Variants in ZNF14 observed in about 807,000 individuals in gnomAD.
ZNF14 encodes gonadotropin inducible transcription repressor-4.
In ZNF14, 9 loss-of-function variants were observed where a neutral mutation model predicts 11.3. The ratio of observed to expected loss-of-function variants is 0.80; its 90% CI spans 0.48 to 1.39. The LOEUF is 1.39. ZNF14 is among the 40% of genes most tolerant of loss of function. The pLI is 0.00. For missense variants in ZNF14, 711 were observed against 763.9 expected, an observed-to-expected ratio of 0.93 and a Z score of 0.82; for synonymous variants, 239 against 245.7, an observed-to-expected ratio of 0.97 and a Z score of 0.25.
chr19:19,726,880 C>T lies in ZNF14; in HGVS notation c.3+6076G>A, dbSNP rs1012468585. 5.3e-5 allele frequency among the ~76,000 whole-genome samples: 7 copies of T among 133,310 alleles called. 1 individual carries two copies. The highest frequency in any genetic ancestry group is 1.9e-4 in the African/African-American group (7 of 36,228). The allele number at this position is 133,310 out of a possible 152,430, so 87.5% of individuals were successfully genotyped here. A position where few individuals can be genotyped will look rare whatever the true frequency, so the allele number is the denominator to read the frequency against. Reference sequence around the variant, plus strand: ...GAGGCTCCGTGGGTGTGGGACCCTCCGAGCCAGGCATGGGATATAATCTCC... The same window carrying T: ...GAGGCTCCGTGGGTGTGGGACCCTCTGAGCCAGGCATGGGATATAATCTCC... On this transcript the variant is annotated intron_variant, in intron 1 of 3. Transcript: ENST00000344099.
intron 1 of ZNF14, among the ~76,000 whole-genome samples, chr19:19,723,852 T>A (rs2062399868): frequency 7.4e-6 from 1 of 134,296 alleles, no homozygotes; most frequent in Non-Finnish European, 1.7e-5. Context: ...CTTCTAGATT[T>A]TCTAGTTTAT....
rs148178021 is a variant in ZNF14, at chr19:19,711,557, C to T, written c.1724G>A (p.Arg575Gln). The T allele has an allele frequency of 1.4e-5, 22 of 1,613,194 alleles. No homozygotes were observed. Among genetic ancestry groups the T allele is most frequent in the South Asian group, 3.3e-5 (3 of 90,956 alleles). The change falls in exon 4 of 4, where the codon CGA (arginine) becomes CAA (glutamine). Residue 575 changes from arginine (R) to glutamine (Q), a missense_variant. Physicochemically the swap from Arg to Gln is conservative, Grantham distance 43 (BLOSUM62 1). Coordinates refer to ENST00000344099, the MANE Select transcript of ZNF14 (RefSeq NM_021030.3). ...GKAFISSSKF[R>Q]MHERTHTGEK... is the part of the protein sequence containing the mutation. ...TCCCGTGTGAGTTCTCTCATGCATT[C>T]GAAATTTACTGGAAGAAATGAAGGC...
intron 1 of ZNF14, among the ~76,000 whole-genome samples, chr19:19,721,226 G>C (rs1305313119): frequency 6.6e-6 from 1 of 152,246 alleles, no homozygotes; most frequent in Non-Finnish European, 1.5e-5. Context: ...AAAGTGCTAG[G>C]ATTACAGGCA....
chr19:19,711,108 A>G lies in ZNF14; in HGVS notation c.*244T>C, dbSNP rs2062358012. The G allele has an allele frequency of 4.6e-6, 2 of 435,144 alleles. No homozygotes were observed. The highest frequency in any genetic ancestry group is 7.2e-5 in the East Asian group (2 of 27,596). 27.0% of individuals were successfully genotyped at this position (435,144 alleles called of 1,614,324 possible). On this transcript the variant is annotated 3_prime_UTR_variant, in exon 4 of 4. Transcript: ENST00000344099. ...AAAAAAACAAAAAACAAAAAACAAA[A>G]CAGATTTCACTGCAGCACGAGTCCT...
chr19:19,714,159 GCATACC>G lies in ZNF14; in HGVS notation c.131-14_131-9del, dbSNP rs774707958. ...GGTCTTCCCACTTTTTTCCTAAAAT[GCATACC>G]CAGAAAGACCATTAAAAATTATTAG... On this transcript the variant is annotated splice_polypyrimidine_tract_variant and intron_variant, in intron 2 of 3. Transcript: ENST00000344099. The G allele has an allele frequency of 2.1e-5, 34 of 1,611,654 alleles. 2 individuals are homozygous for G. The South Asian group carries it at 3.7e-4, about 17-fold the overall frequency.
intron 1 of ZNF14, among the ~76,000 whole-genome samples, chr19:19,730,839 A>G (rs1012738351): frequency 1.3e-5 from 2 of 152,120 alleles, no homozygotes; most frequent in African/African-American, 4.8e-5. Context: ...TTGAACCTGG[A>G]AGGCGGAGGT....
Position 19,724,744 on chromosome 19 carries a change from G to A in ZNF14, c.3+8212C>T, listed in dbSNP as rs1202739001. On this transcript the variant is annotated intron_variant, in intron 1 of 3. Coordinates refer to ENST00000344099, the MANE Select transcript of ZNF14 (RefSeq NM_021030.3). Reference sequence around the variant, plus strand: ...TCTCTTTGTAGGTCTCTAAGGGCTTGCTTTATGAATCTGGGTGCTCCTGTA... The same window carrying A: ...TCTCTTTGTAGGTCTCTAAGGGCTTACTTTATGAATCTGGGTGCTCCTGTA... 1.5e-5 allele frequency among the ~76,000 whole-genome samples: 2 copies of A among 133,186 alleles called. 1 individual carries two copies. Among genetic ancestry groups the A allele is most frequent in the African/African-American group, 5.6e-5 (2 of 36,002 alleles). 87.4% of individuals were successfully genotyped at this position (133,186 alleles called of 152,430 possible). A position where few individuals can be genotyped will look rare whatever the true frequency, so the allele number is the denominator to read the frequency against.
intron 1 of ZNF14, among the ~76,000 whole-genome samples, chr19:19,716,650 C>A (rs1267793803): frequency 2.6e-5 from 4 of 152,074 alleles, no homozygotes; most frequent in Admixed American, 2.6e-4. Context: ...CAGAGACTTC[C>A]AATTTCTGGT....
At chr19:19,716,135 G>A (rs1183315406) in intron 1 of ZNF14, among the ~76,000 whole-genome samples, 1 of 152,124 alleles carries the variant, frequency 6.6e-6, no homozygotes, top group Non-Finnish European at 1.5e-5. Context: ...TGAGGTTAGG[G>A]AGTGGGCTAG....
chr19:19,727,106 G>C (rs1175337208), intron 1 of ZNF14, among the ~76,000 whole-genome samples: 1 of 133,230 alleles, frequency 7.5e-6, no homozygotes, highest in South Asian at 2.5e-4. Flanking sequence ...AGATGAACCT[G>C]GTACCTCAGT....
chr19:19,714,307 A>G lies in ZNF14; in HGVS notation c.130+54T>C. ...TTGGAACACAGCTGTTGAGCAAGAA[A>G]CACTTGTTCTGTGTTCTATATTTAA... is the stretch of plus-strand genomic sequence containing the variant. On this transcript the variant is annotated intron_variant, in intron 2 of 3. Coordinates refer to ENST00000344099, the MANE Select transcript of ZNF14 (RefSeq NM_021030.3). 1.9e-6 allele frequency: 3 copies of G among 1,608,002 alleles called. No homozygotes were observed. The South Asian group carries it at 3.3e-5, about 18-fold the overall frequency.
chr19:19,714,454 A>G lies in ZNF14; in HGVS notation c.37T>C (p.Phe13Leu). ...SVSFEDVAVN[F>L]TLEEWALLDS... is the part of the protein sequence containing the mutation. ...AGCAAAGCCCACTCCTCCAGGGTGA[A>G]GTTCACGGCCACATCCTCAAAGGAG... The change falls in exon 2 of 4, where the codon TTC becomes CTC. Residue 13 changes from phenylalanine (F) to leucine (L), a missense_variant. Physicochemically the swap from Phe to Leu is conservative, Grantham distance 22. Coordinates refer to ENST00000344099, the MANE Select transcript of ZNF14 (RefSeq NM_021030.3). The G allele has an allele frequency of 6.2e-7, 1 of 1,614,078 alleles. No individual in the cohort carries two copies.
At position 19,712,837 on chromosome 19, in the gene ZNF14, T is replaced by C. The variant is rs1344180343; in HGVS notation, c.444A>G (p.Lys148=). ...GAAAGCAGTGGTGATAACTGAAGGTTTTCCCAACTGCTTTACATTTACATG... is the reference window on the plus strand; with the variant it reads ...GAAAGCAGTGGTGATAACTGAAGGTCTTCCCAACTGCTTTACATTTACATG... The part of the protein sequence containing the change: ...KQPCKCKAVG[K]TFSYHHCFRK... The change falls in exon 4 of 4, where the codon AAA becomes AAG. Residue 148 remains lysine (K), a synonymous_variant. Coordinates refer to ENST00000344099, the MANE Select transcript of ZNF14 (RefSeq NM_021030.3). The C allele has an allele frequency of 6.2e-7, 1 of 1,614,076 alleles. No individual in the cohort carries two copies. Among genetic ancestry groups the C allele is most frequent in the Non-Finnish European group, 8.5e-7 (1 of 1,180,036 alleles).
At chr19:19,715,092 G>C (rs931646508) in intron 1 of ZNF14, among the ~76,000 whole-genome samples, 1 of 152,156 alleles carries the variant, frequency 6.6e-6, no homozygotes, top group African/African-American at 2.4e-5. Flanking sequence ...GGAAAAGTAA[G>C]AGAAATGCTA....
chr19:19,713,200 C>A, intron 3 of ZNF14, 111 bp from the exon 4 acceptor site: 1 of 992,322 alleles, frequency 1.0e-6, no homozygotes, highest in Non-Finnish European at 1.5e-6. Flanking sequence ...GGATATCTGC[C>A]CTGTCTGAAT....
At position 19,711,607 on chromosome 19, in the gene ZNF14, C is replaced by T. The variant is rs374958382; in HGVS notation, c.1674G>A (p.Pro558=). 5.3e-5 allele frequency: 85 copies of T among 1,613,556 alleles called. No homozygotes were observed. In the Admixed American group the frequency reaches 5.8e-4, roughly 11 times the overall value. ...CTTTTCCACATTGTTTACATTGATA[C>T]GGTTTCTCTCCAGTGTGAGTCCTTT... The part of the protein sequence containing the change: ...LHERTHTGEK[P]YQCKQCGKAF... Residue 558 remains proline, a synonymous_variant, in exon 4 of 4, where the codon CCG becomes CCA. Transcript: ENST00000344099.
Position 19,732,999 on chromosome 19 carries a change from C to G in ZNF14, c.-41G>C. ...AAGTCACGGTGTCCTCCCTACGGAT[C>G]TGTCAGTACCTGCAGGTCACGGCGC... On this transcript the variant is annotated 5_prime_UTR_variant, in exon 1 of 4. Coordinates refer to ENST00000344099, the MANE Select transcript of ZNF14 (RefSeq NM_021030.3). 1 of 1,610,860 alleles carries G rather than the reference C, an allele frequency of 6.2e-7. No homozygotes were observed. Among genetic ancestry groups the G allele is most frequent in the East Asian group, 2.2e-5 (1 of 44,718 alleles).
chr19:19,728,532 A>AAC (rs1555762586), intron 1 of ZNF14, among the ~76,000 whole-genome samples: 1 of 129,218 alleles, frequency 7.7e-6, no homozygotes, highest in Non-Finnish European at 1.7e-5. Flanking sequence ...AAAAAAAAAA[A>AAC]AAAACATATA....
intron 1 of ZNF14, among the ~76,000 whole-genome samples, chr19:19,718,059 C>G (rs1023499908): frequency 2.0e-5 from 3 of 152,176 alleles, no homozygotes; most frequent in Non-Finnish European, 4.4e-5. Flanking sequence ...GCCTATTTAC[C>G]TCAGTTTCTT....
Sources: gnomAD v4.1 joint callset for allele counts (sites outside exome capture counted in the v4.1 genomes callset) on GRCh38, gnomAD v4.1.1 for gene constraint, MANE v1.5 for transcripts, NCBI Gene and HGNC (gene_info 2026-07-23, HGNC 2026-07-21) for gene names.